Variants in PNPLA7 observed in about 807,000 individuals in gnomAD.
PNPLA7 encodes patatin-like phospholipase domain-containing protein 7.
Under a neutral mutation model 161.7 loss-of-function variants are expected in PNPLA7, and 153 were observed. That is an observed-to-expected ratio of 0.95 (90% CI 0.83 to 1.08). The LOEUF (loss-of-function observed/expected upper bound fraction) is 1.08. Among genes scored for constraint, PNPLA7 ranks in the 50% least tolerant of loss-of-function variants. The probability of loss-of-function intolerance (pLI) is 0.00; values close to 1 mark genes in which losing one functional copy is unlikely to be tolerated. For synonymous variants in PNPLA7, 809 were observed against 782.1 expected (o/e 1.03, Z -0.57); for missense variants, 1,739 against 1,856.6 (o/e 0.94, Z 1.16).
chr9:137,471,815 T>C (rs919454170), intron 25 of PNPLA7, among the ~76,000 whole-genome samples: 2 of 151,970 alleles, frequency 1.3e-5, no homozygotes, highest in Non-Finnish European at 1.5e-5. Context: ...ATTCAATGTA[T>C]TCCTCCATCC....
chr9:137,496,621 G>T (rs898181496), intron 18 of PNPLA7, among the ~76,000 whole-genome samples: 1 of 152,138 alleles, frequency 6.6e-6, no homozygotes, highest in African/African-American at 2.4e-5. Context: ...TGAGGCAGGA[G>T]AATCTCTTGA....
In PNPLA7 at chr9:137,486,112, T is replaced by A. The variant is rs1832469204; in HGVS notation, c.2198-1376A>T. Reference sequence around the variant, plus strand: ...CTCACAGGCTGTCCCCTGGCCTATGTCTCCCGTCCCCAGTGAGGTGGCTTC... The same window carrying A: ...CTCACAGGCTGTCCCCTGGCCTATGACTCCCGTCCCCAGTGAGGTGGCTTC... On this transcript the variant is annotated intron_variant, in intron 20 of 34. Coordinates refer to ENST00000406427, the MANE Select transcript of PNPLA7 (RefSeq NM_001098537.3). The surrounding 1 kb of genome is among the most constrained non-coding windows in gnomAD (Gnocchi z 6.0). 6.6e-6 allele frequency among the ~76,000 whole-genome samples: 1 copy of A among 151,856 alleles called. No homozygotes were observed. The highest frequency in any genetic ancestry group is 2.4e-5 in the African/African-American group (1 of 41,310).
At position 137,547,358 on chromosome 9, in the gene PNPLA7, G is replaced by A. The variant is rs2132666602; in HGVS notation, c.144C>T (p.Ala48=). ...GIAVGALLAL[A]LVGVLILFMF... is the part of the protein sequence containing the mutation. ...TGAAAAGGATGAGGACACCAACCAA[G>A]GCCAGGGCCAGGAGGGCTCCAACTG... Residue 48 remains alanine (A), a synonymous_variant, in exon 3 of 35, where the codon GCC becomes GCT. Transcript: ENST00000406427. The surrounding 1 kb of genome is among the most constrained non-coding windows in gnomAD (Gnocchi z 4.6). 6.2e-7 allele frequency: 1 copy of A among 1,613,564 alleles called. No homozygotes were observed. Among genetic ancestry groups the A allele is most frequent in the Non-Finnish European group, 8.5e-7 (1 of 1,179,992 alleles).
At chr9:137,512,519 G>A (rs1564336983) in intron 12 of PNPLA7, among the ~76,000 whole-genome samples, 1 of 152,254 alleles carries the variant, frequency 6.6e-6, no homozygotes, top group Non-Finnish European at 1.5e-5. Context: ...CATGAACGGG[G>A]CTTGCAGGGG....
chr9:137,543,423 C>T lies in PNPLA7; in HGVS notation c.506+9G>A, dbSNP rs201051773. ...TGCCGCAGCCCCCGGGGCTCATCCC[C>T]GCTCTTACCGAACGTTTTTCAGCAT... On this transcript the variant is annotated intron_variant, in intron 6 of 34. Transcript: ENST00000406427. This position sits in a 1 kb window ranked among gnomAD's most constrained non-coding sequence, Gnocchi z 6.9. The T allele has an allele frequency of 2.9e-5, 46 of 1,613,974 alleles. No individual in the cohort carries two copies. The East Asian group carries it at 3.6e-4, about 13-fold the overall frequency.
intron 8 of PNPLA7, among the ~76,000 whole-genome samples, chr9:137,533,303 AAC>A (rs1486315618): frequency 9.1e-5 from 12 of 132,068 alleles, no homozygotes; most frequent in South Asian, 5.0e-4. Context: ...AATCCTCAAC[AAC>A]AGTGTCCACT....
intron 26 of PNPLA7, among the ~76,000 whole-genome samples, chr9:137,466,588 C>A (rs1831475194): frequency 6.7e-6 from 1 of 149,948 alleles, no homozygotes; most frequent in Admixed American, 6.6e-5. Flanking sequence ...TTCCCACCAC[C>A]ACCTCCACCA....
chr9:137,526,299 T>G (rs1243943407), intron 8 of PNPLA7, among the ~76,000 whole-genome samples: 1 of 150,482 alleles, frequency 6.6e-6, no homozygotes, highest in Non-Finnish European at 1.5e-5. Context: ...TTTTCATCCT[T>G]TTTTTTTTAA....
chr9:137,537,005 A>G lies in PNPLA7; in HGVS notation c.747+3637T>C, dbSNP rs2480113. On this transcript the variant is annotated intron_variant, in intron 8 of 34. Transcript: ENST00000406427. This position sits in a 1 kb window ranked among gnomAD's most constrained non-coding sequence, Gnocchi z 4.5. ...CACCGAGCCACACTTCATCTCCCAC[A>G]ACAGGAAGCATGGGGGCCATCCACC... is the stretch of plus-strand genomic sequence containing the variant. Among the ~76,000 whole-genome samples the G allele has an allele frequency of 0.37, 46,121 of 123,390 alleles. 8,341 individuals carry two copies. Among genetic ancestry groups the G allele is most frequent in the East Asian group, 0.7 (3,203 of 4,600 alleles). 80.9% of individuals were successfully genotyped at this position (123,390 alleles called of 152,430 possible).
chr9:137,536,169 A>C (rs1835880339), intron 8 of PNPLA7, among the ~76,000 whole-genome samples: 1 of 152,020 alleles, frequency 6.6e-6, no homozygotes, highest in Non-Finnish European at 1.5e-5. Context: ...AAAAAAAAGA[A>C]AAGAAAAAGT....
chr9:137,515,312 C>A (rs1834471009), intron 12 of PNPLA7, 67 bp downstream of exon 12: 12 of 1,555,350 alleles, frequency 7.7e-6, no homozygotes, highest in Non-Finnish European at 8.7e-7. Flanking sequence ...CAGTGCAGCT[C>A]AGCCTGGGTC....
rs761073413 is a variant in PNPLA7, at chr9:137,543,451, A to G, written c.487T>C (p.Tyr163His). The change falls in exon 6 of 35, where the codon TAC becomes CAC. Residue 163 changes from tyrosine (Y) to histidine (H), a missense_variant. Physicochemically the swap from Tyr to His is moderately conservative, Grantham distance 83. This residue lies in a region of PNPLA7 where 209 missense variants were observed against 252.8 expected (regional missense o/e 0.83). Coordinates refer to ENST00000406427, the MANE Select transcript of PNPLA7 (RefSeq NM_001098537.3). The surrounding 1 kb of genome is among the most constrained non-coding windows in gnomAD (Gnocchi z 6.9). ...TCTTACCGAACGTTTTTCAGCATGT[A>G]CAGAACTTCCGATGGCAGGTGAGAA... The part of the protein sequence containing the change: ...KNSHLPSEVL[Y>H]MLKNVRVLGH... 6.2e-6 allele frequency: 10 copies of G among 1,613,992 alleles called. No homozygotes were observed. Among genetic ancestry groups the G allele is most frequent in the Non-Finnish European group, 7.6e-6 (9 of 1,180,040 alleles).
At chr9:137,493,691 C>T (rs78376624) in intron 19 of PNPLA7, among the ~76,000 whole-genome samples, 2,789 of 152,308 alleles carry the variant, frequency 0.018, 93 homozygotes, top group East Asian at 0.14. Flanking sequence ...AGCCCTGCAG[C>T]GGCCTCTAAA....
chr9:137,462,224 G>A lies in PNPLA7; in HGVS notation c.3600C>T (p.Ile1200=). 6.2e-7 allele frequency: 1 copy of A among 1,604,472 alleles called. No individual in the cohort carries two copies. The highest frequency in any genetic ancestry group is 8.5e-7 in the Non-Finnish European group (1 of 1,174,832). The part of the protein sequence containing the change: ...SDYCEYLRPP[I]DSYSTLDFGK... ...CGAAGTCCAGGGTGCTGTAGCTGTC[G>A]ATGGGGGGGCGCAGGTACTCGCAGT... is the stretch of plus-strand genomic sequence containing the variant. Residue 1200 remains isoleucine (I), a synonymous_variant, in exon 31 of 35, where the codon ATC becomes ATT. Transcript: ENST00000406427.
At chr9:137,461,893 T>C (rs557052854) in intron 32 of PNPLA7, 38 bp downstream of exon 32, 2 of 1,463,038 alleles carry the variant, frequency 1.4e-6, no homozygotes, top group Non-Finnish European at 1.8e-6. Flanking sequence ...CTGGGCGCGG[T>C]CCGGGGAGCT....
chr9:137,515,490 C>G lies in PNPLA7; in HGVS notation c.1114G>C (p.Gly372Arg). 6.4e-7 allele frequency: 1 copy of G among 1,569,706 alleles called. No homozygotes were observed. The highest frequency in any genetic ancestry group is 1.2e-5 in the South Asian group (1 of 84,984). ...DHGGGRPAAA[G>R]PLLKRSHSVP... ...GAGTGGCTCCTCTTCAGCAGGGGCC[C>G]AGCAGCTGCCGGGCGGCCGCCCCCG... The change falls in exon 12 of 35, where the codon GGG (glycine) becomes CGG (arginine). Residue 372 changes from glycine to arginine, a missense_variant. Transcript: ENST00000406427.
In PNPLA7 at chr9:137,464,465, A is replaced by C; in HGVS notation, c.3040-9T>G. 6.2e-7 allele frequency: 1 copy of C among 1,611,674 alleles called. No homozygotes were observed. The highest frequency in any genetic ancestry group is 8.5e-7 in the Non-Finnish European group (1 of 1,178,162). Reference sequence around the variant, plus strand: ...ATCAAGGACGTCATGCCCTGGGGCCACATGTGGAATTTACAGAAGGCTTCC... The same window carrying C: ...ATCAAGGACGTCATGCCCTGGGGCCCCATGTGGAATTTACAGAAGGCTTCC... On this transcript the variant is annotated splice_polypyrimidine_tract_variant and intron_variant, in intron 26 of 34. Transcript: ENST00000406427.
rs534341707 is a variant in PNPLA7, at chr9:137,512,745, G to C, written c.1225+2634C>G. The stretch of plus-strand genomic sequence containing the variant: ...ACTTGAGCCCAGGAGTTCGAAACCA[G>C]CCTGGGTAACATGGCAAGACACCCT... On this transcript the variant is annotated intron_variant, in intron 12 of 34. Coordinates refer to ENST00000406427, the MANE Select transcript of PNPLA7 (RefSeq NM_001098537.3). Among the ~76,000 whole-genome samples the C allele has an allele frequency of 2.6e-5, 4 of 151,572 alleles. No individual in the cohort carries two copies. The South Asian group carries it at 8.4e-4, about 32-fold the overall frequency.
At chr9:137,487,316 G>C (rs1341826265) in intron 20 of PNPLA7, among the ~76,000 whole-genome samples, 2 of 152,260 alleles carry the variant, frequency 1.3e-5, no homozygotes, top group African/African-American at 2.4e-5. Flanking sequence ...CATCCACACC[G>C]GGCCCTGGTC....
Sources: allele counts gnomAD v4.1 joint callset (sites outside exome capture counted in the v4.1 genomes callset), GRCh38; gene constraint gnomAD v4.1.1; regional missense constraint gnomAD v4.1.1; non-coding constraint Gnocchi (gnomAD v3.1); transcripts MANE v1.5; gene names NCBI Gene and HGNC (gene_info 2026-07-23, HGNC 2026-07-21).